The following ELAPOR1 variants were observed in gnomAD, a reference collection of about 807,000 sequenced individuals.
ELAPOR1 encodes the protein endosome/lysosome-associated apoptosis and autophagy regulator 1.
Under a neutral mutation model 119.7 loss-of-function variants are expected in ELAPOR1, and 77 were observed. That is an observed-to-expected ratio of 0.64 (90% confidence interval 0.54 to 0.78). The LOEUF is 0.78. Among genes scored for constraint, ELAPOR1 ranks in the 30% least tolerant of loss-of-function variants. ELAPOR1 has a pLI of 0.00. For missense variants in ELAPOR1, 1,115 were observed against 1,270.4 expected (o/e 0.88, Z 1.86); for synonymous variants, 481 against 487.2 (o/e 0.99, Z 0.17).
rs116151631 is a variant in ELAPOR1 at position 109,198,928 on chromosome 1, C to T, written c.2501+254C>T. On this transcript the variant is annotated intron_variant, in intron 18 of 21. Coordinates refer to ENST00000369939, the MANE Select transcript of ELAPOR1 (RefSeq NM_020775.5). ...CTGCGTAGCATGGTAACCAACAGCTCGGCTGAGAGCCAGGTTGAATCATCT... is the reference window on the plus strand; with the variant it reads ...CTGCGTAGCATGGTAACCAACAGCTTGGCTGAGAGCCAGGTTGAATCATCT... 3.2e-3 allele frequency among the ~76,000 whole-genome samples: 481 copies of T among 152,340 alleles called. 3 individuals are homozygous for T. Among genetic ancestry groups the T allele is most frequent in the African/African-American group, 0.011 (455 of 41,582 alleles).
At chr1:109,125,538 G>A (rs914464393) in intron 1 of ELAPOR1, among the ~76,000 whole-genome samples, 3 of 151,752 alleles carry the variant, frequency 2.0e-5, no homozygotes, top group Admixed American at 6.6e-5. Context: ...GACTACAGGC[G>A]TGCACCACCA....
At chr1:109,166,477 T>A (rs1651607173) in intron 3 of ELAPOR1, among the ~76,000 whole-genome samples, 1 of 152,256 alleles carries the variant, frequency 6.6e-6, no homozygotes, top group Non-Finnish European at 1.5e-5. Context: ...GAGAACTGGA[T>A]ATCTATTTCA....
chr1:109,152,930 T>G (rs1570648429), intron 1 of ELAPOR1, among the ~76,000 whole-genome samples: 3 of 113,970 alleles, frequency 2.6e-5, no homozygotes, highest in South Asian at 2.7e-4. Flanking sequence ...CCAGCCTGGG[T>G]GGTGGAGTTA....
chr1:109,171,951 C>T lies in ELAPOR1; in HGVS notation c.553C>T (p.Gln185Ter). 6.2e-7 allele frequency: 1 copy of T among 1,614,180 alleles called. No homozygotes were observed. Among genetic ancestry groups the T allele is most frequent in the Non-Finnish European group, 8.5e-7 (1 of 1,180,014 alleles). ...ACTGATGTACGCCGTCAACCTGAAG[C>T]AATCTGGCACCGTTAACTTCGAATA... ...ATLMYAVNLK[Q>*]SGTVNFEYYY... is the part of the protein sequence containing the mutation. The change falls in exon 4 of 22, where the codon CAA (glutamine) becomes TAA (stop). Residue 185 changes from glutamine (Q) to a stop codon, truncating the protein, a stop_gained. Transcript: ENST00000369939. LOFTEE classifies it high-confidence loss of function.
At chr1:109,185,489 C>T (rs1377042846) in intron 8 of ELAPOR1, among the ~76,000 whole-genome samples, 1 of 152,314 alleles carries the variant, frequency 6.6e-6, no homozygotes. Flanking sequence ...CTCACCCCCT[C>T]GGCACTGTTT....
In ELAPOR1 at chr1:109,206,757, T is replaced by G. The variant is rs1283465750; in HGVS notation, c.*3745T>G. 2 of 152,228 alleles carry G rather than the reference T, an allele frequency of 1.3e-5. No homozygotes were observed. The highest frequency in any genetic ancestry group is 2.9e-5 in the Non-Finnish European group (2 of 68,036). The allele number at this position is 152,228 out of a possible 1,614,324, so 9.4% of individuals were successfully genotyped here. A position where few individuals can be genotyped will look rare whatever the true frequency, so the allele number is the denominator to read the frequency against. On this transcript the variant is annotated 3_prime_UTR_variant, in exon 22 of 22. Transcript: ENST00000369939. ...GTTATTGCATGTCACTTTTTTTTTT[T>G]GTAAAATAAAAACATACCTTACAAG...
intron 21 of ELAPOR1, among the ~76,000 whole-genome samples, chr1:109,201,884 G>C (rs1654190358): frequency 6.6e-6 from 1 of 152,058 alleles, no homozygotes; most frequent in South Asian, 2.1e-4. Context: ...AGGATCTCTT[G>C]AGGCTGGGAG....
chr1:109,141,866 T>C (rs1446603143), intron 1 of ELAPOR1, among the ~76,000 whole-genome samples: 4 of 151,902 alleles, frequency 2.6e-5, no homozygotes, highest in African/African-American at 7.3e-5. Flanking sequence ...GGTTTTGCCA[T>C]GTTGCCCAGA....
chr1:109,165,618 A>C (rs185011973), intron 3 of ELAPOR1, among the ~76,000 whole-genome samples: 1 of 151,644 alleles, frequency 6.6e-6, no homozygotes, highest in East Asian at 1.9e-4. Flanking sequence ...AAAAACAAAA[A>C]CCAAAAAAAC....
chr1:109,159,010 G>A (rs1651073266), intron 1 of ELAPOR1, among the ~76,000 whole-genome samples: 1 of 150,662 alleles, frequency 6.6e-6, no homozygotes, highest in African/African-American at 2.4e-5. Flanking sequence ...CGATTCTCTT[G>A]CCTCAGCCTC....
At chr1:109,182,420 G>A (rs765548431) in intron 7 of ELAPOR1, among the ~76,000 whole-genome samples, 5 of 151,978 alleles carry the variant, frequency 3.3e-5, no homozygotes, top group Non-Finnish European at 5.9e-5. Context: ...TACTTACAAT[G>A]TGCCAGGTAG....
intron 1 of ELAPOR1, among the ~76,000 whole-genome samples, chr1:109,140,164 T>C (rs1649739144): frequency 6.6e-6 from 1 of 152,192 alleles, no homozygotes; most frequent in African/African-American, 2.4e-5. Context: ...TAGGATAGTG[T>C]CTTGTAGACT....
chr1:109,128,672 T>C (rs992320306), intron 1 of ELAPOR1, among the ~76,000 whole-genome samples: 4 of 152,230 alleles, frequency 2.6e-5, no homozygotes, highest in Non-Finnish European at 5.9e-5. Flanking sequence ...GCCATTGGGT[T>C]AAAAAAGTAT....
At chr1:109,122,664 A>T (rs1051635521) in intron 1 of ELAPOR1, among the ~76,000 whole-genome samples, 30 of 151,800 alleles carry the variant, frequency 2.0e-4, no homozygotes, top group African/African-American at 6.5e-4. Flanking sequence ...CTCTCTTTAA[A>T]AAAAAAAAGA....
intron 8 of ELAPOR1, among the ~76,000 whole-genome samples, chr1:109,185,636 T>C (rs1652999082): frequency 6.6e-6 from 1 of 152,200 alleles, no homozygotes; most frequent in Non-Finnish European, 1.5e-5. Context: ...TCAACAAGCA[T>C]TTTTTGAGGC....
chr1:109,200,305 A>G (rs761168678), intron 20 of ELAPOR1, 68 bp downstream of exon 20: 160 of 1,550,532 alleles, frequency 1.0e-4, no homozygotes, highest in Non-Finnish European at 1.3e-4. Context: ...GAATATCTGA[A>G]AGTATAAATT....
At chr1:109,152,627 T>C (rs1311789393) in intron 1 of ELAPOR1, among the ~76,000 whole-genome samples, 2 of 152,064 alleles carry the variant, frequency 1.3e-5, no homozygotes, top group African/African-American at 2.4e-5. Flanking sequence ...TTCATTTCAA[T>C]GTATATAAAT....
chr1:109,174,778 C>T lies in ELAPOR1; in HGVS notation c.952+941C>T, dbSNP rs891006861. Among the ~76,000 whole-genome samples, 12 of 151,738 alleles carry T rather than the reference C, an allele frequency of 7.9e-5. No homozygotes were observed. In the South Asian group the frequency reaches 1.0e-3, roughly 13 times the overall value. ...TCGCCCAGGCTGGAGTGCAGTGGCG[C>T]GATCTCAGCTCACTGCAAACTCTGC... On this transcript the variant is annotated intron_variant, in intron 7 of 21. Transcript: ENST00000369939.
chr1:109,159,589 G>A (rs1651118662), intron 1 of ELAPOR1, among the ~76,000 whole-genome samples: 1 of 152,208 alleles, frequency 6.6e-6, no homozygotes, highest in African/African-American at 2.4e-5. Flanking sequence ...ATTTGGCCCT[G>A]TGTGAGTCTG....
Sources: allele counts gnomAD v4.1 joint callset (sites outside exome capture counted in the v4.1 genomes callset), GRCh38; gene constraint gnomAD v4.1.1; transcripts MANE v1.5; gene names NCBI Gene and HGNC (gene_info 2026-07-23, HGNC 2026-07-21).